The following RHBDF1 variants were observed in gnomAD, a reference collection of about 807,000 sequenced individuals.
The protein encoded by RHBDF1 is inactive rhomboid protein 1.
A neutral mutation model predicts 98.6 loss-of-function variants in RHBDF1; 80 were observed. The observed-to-expected ratio is 0.81, with a 90% CI of 0.68 to 0.98. The LOEUF (loss-of-function observed/expected upper bound fraction) is 0.98, where lower values mean the gene tolerates loss of function less well. RHBDF1 is among the 50% of genes least tolerant of loss of function. RHBDF1 has a pLI of 0.00. For synonymous variants in RHBDF1, 512 were observed against 486.8 expected, an observed-to-expected ratio of 1.05 and a Z score of -0.68; for missense variants, 1,116 against 1,198.3, an observed-to-expected ratio of 0.93 and a Z score of 1.01.
In RHBDF1 at chr16:62,760, C is replaced by A; in HGVS notation, c.795+15G>T. On this transcript the variant is annotated intron_variant, in intron 6 of 17. Transcript: ENST00000262316. The stretch of plus-strand genomic sequence containing the variant: ...AGGGAACGTGGGGTGGGGGGACACC[C>A]CGGGCACTTCTTACCCGGGCAAAGA... The A allele has an allele frequency of 6.2e-7, 1 of 1,614,046 alleles. No individual in the cohort carries two copies. Among genetic ancestry groups the A allele is most frequent in the Non-Finnish European group, 8.5e-7 (1 of 1,180,002 alleles).
chr16:69,566 C>T (rs1020035721), intron 1 of RHBDF1, among the ~76,000 whole-genome samples: 2 of 152,070 alleles, frequency 1.3e-5, no homozygotes, highest in African/African-American at 2.4e-5. Flanking sequence ...TAATCTGAAG[C>T]TCAATCCTAG....
rs60334577 is a variant in RHBDF1, at chr16:64,091, C to T, written c.249-291G>A. On this transcript the variant is annotated intron_variant, in intron 3 of 17. Transcript: ENST00000262316. Reference sequence around the variant, plus strand: ...GGCAGTTGAGGGGAGGCACTGAGTCCAGAGAAGGAGCTGAGAGCTCAACCC... The same window carrying T: ...GGCAGTTGAGGGGAGGCACTGAGTCTAGAGAAGGAGCTGAGAGCTCAACCC... 0.037 allele frequency: 23,048 copies of T among 631,376 alleles called. 1,465 individuals carry two copies. The highest frequency in any genetic ancestry group is 0.15 in the East Asian group (4,645 of 30,196). 39.1% of individuals were successfully genotyped at this position (631,376 alleles called of 1,614,324 possible). A position where few individuals can be genotyped will look rare whatever the true frequency, so the allele number is the denominator to read the frequency against.
intron 14 of RHBDF1, 58 bp from the exon 15 acceptor site, chr16:59,552 T>C: frequency 6.4e-7 from 1 of 1,567,398 alleles, no homozygotes; most frequent in Non-Finnish European, 8.7e-7. Flanking sequence ...ATTGCTGGCA[T>C]CCAGGGCGAG....
intron 11 of RHBDF1, chr16:60,793 A>T: frequency 1.8e-6 from 1 of 568,054 alleles, no homozygotes; most frequent in Non-Finnish European, 3.1e-6. Context: ...GCACTTCCAC[A>T]TAAGATGATG....
At chr16:73,918 C>G, upstream of RHBDF1, 1 of 984,624 alleles carries the variant, frequency 1.0e-6, no homozygotes. Flanking sequence ...GTACACTTAC[C>G]GGTAGATCCC....
intron 1 of RHBDF1, among the ~76,000 whole-genome samples, chr16:71,849 G>T (rs1317984309): frequency 6.6e-6 from 1 of 152,248 alleles, no homozygotes; most frequent in Non-Finnish European, 1.5e-5. Context: ...ACCCCAGCCG[G>T]GAGAAGGCCT....
chr16:62,719 G>A, intron 6 of RHBDF1, 24 bp from the exon 7 acceptor site: 12 of 1,614,154 alleles, frequency 7.4e-6, no homozygotes, highest in Non-Finnish European at 1.0e-5. Flanking sequence ...TGAGGTCAGG[G>A]TGGACACAGG....
chr16:60,240 C>A lies in RHBDF1; in HGVS notation c.1698G>T (p.Trp566Cys). 1 of 1,614,092 alleles carries A rather than the reference C, an allele frequency of 6.2e-7. No individual in the cohort carries two copies. Among genetic ancestry groups the A allele is most frequent in the Non-Finnish European group, 8.5e-7 (1 of 1,180,012 alleles). Reference protein sequence around the residue: ...DEPSSEDPHEWPEDITKWPIC... With the variant: ...DEPSSEDPHECPEDITKWPIC... ...CCGGCCACTTGGTGATGTCTTCTGG[C>A]CACTCATGAGGGTCTTCGGAGGAGG... Residue 566 changes from tryptophan (W) to cysteine (C), a missense_variant, in exon 13 of 18, where the codon TGG (tryptophan) becomes TGT (cysteine). Transcript: ENST00000262316.
rs1177511670 is a variant in RHBDF1, at chr16:62,651, A to G, written c.840T>C (p.Val280=). The G allele has an allele frequency of 6.2e-7, 1 of 1,613,874 alleles. No individual in the cohort carries two copies. Reference sequence around the variant, plus strand: ...GCGCTGCCTCCGATGGGGACTCGAAAACTTCATCCGGGTATGTGGACAGCT... The same window carrying G: ...GCGCTGCCTCCGATGGGGACTCGAAGACTTCATCCGGGTATGTGGACAGCT... The part of the protein sequence containing the change: ...HEELSTYPDE[V]FESPSEAALK... Residue 280 remains valine (V), a synonymous_variant, in exon 7 of 18, where the codon GTT becomes GTC. Transcript: ENST00000262316.
Position 63,079 on chromosome 16 carries a change from AG to A in RHBDF1, c.565del (p.Leu189SerfsTer26). The A allele has an allele frequency of 6.2e-7, 1 of 1,612,368 alleles. No individual in the cohort carries two copies. Among genetic ancestry groups the A allele is most frequent in the Non-Finnish European group, 8.5e-7 (1 of 1,179,604 alleles). ...HTPVTPGAAS[L>X]CSFSSSRSGF... ...TGAGCGGGAGCTGGAGAAGGAGCAG[AG>A]GGAGGCAGCACCCGGCGTGACGGGA... On this transcript the variant is annotated frameshift_variant, in exon 5 of 18. Coordinates refer to ENST00000262316, the MANE Select transcript of RHBDF1 (RefSeq NM_022450.5). LOFTEE classifies it high-confidence loss of function.
chr16:62,508 C>T, intron 7 of RHBDF1, 30 bp downstream of exon 7: 1 of 1,606,694 alleles, frequency 6.2e-7, no homozygotes, highest in African/African-American at 1.3e-5. Context: ...GGGTCTCTCT[C>T]TGCCCCTCTT....
intron 3 of RHBDF1, chr16:64,208 A>G: frequency 1.5e-6 from 2 of 1,308,530 alleles, no homozygotes; most frequent in Non-Finnish European, 2.0e-6. Context: ...CATGCAAACA[A>G]AAACACTGCC....
intron 7 of RHBDF1, 66 bp from the exon 8 acceptor site, chr16:62,118 G>T (rs560987617): frequency 2.1e-6 from 3 of 1,427,426 alleles, no homozygotes; most frequent in Non-Finnish European, 2.7e-6. Flanking sequence ...TCCCCGGGGG[G>T]CACCAGGGCA....
chr16:65,306 G>C (rs1267818086), intron 1 of RHBDF1, among the ~76,000 whole-genome samples: 1 of 152,266 alleles, frequency 6.6e-6, no homozygotes, highest in Non-Finnish European at 1.5e-5. Context: ...TCAGGATACT[G>C]CTCTAGGTGC....
chr16:61,616 A>G lies in RHBDF1; in HGVS notation c.1289T>C (p.Val430Ala). 6.2e-7 allele frequency: 1 copy of G among 1,613,404 alleles called. No individual in the cohort carries two copies. The highest frequency in any genetic ancestry group is 8.5e-7 in the Non-Finnish European group (1 of 1,179,902). ...LAVCIYGIAP[V>A]GFSQHETVDS... The stretch of plus-strand genomic sequence containing the variant: ...CACCGTCTCATGCTGCGAGAAGCCC[A>G]CGGGCGCGATGCCATAGATGCACAC... Residue 430 changes from valine (V) to alanine (A), a missense_variant, in exon 9 of 18, where the codon GTG becomes GCG. Physicochemically the swap from Val to Ala is moderately conservative, Grantham distance 64. Coordinates refer to ENST00000262316, the MANE Select transcript of RHBDF1 (RefSeq NM_022450.5).
chr16:58,745 G>A lies in RHBDF1; in HGVS notation c.2163C>T (p.Gly721=), dbSNP rs767607783. 3 of 1,612,484 alleles carry A rather than the reference G, an allele frequency of 1.9e-6. No homozygotes were observed. Among genetic ancestry groups the A allele is most frequent in the Non-Finnish European group, 2.5e-6 (3 of 1,179,688 alleles). Residue 721 remains glycine, a synonymous_variant, in exon 18 of 18, where the codon GGC becomes GGT. Transcript: ENST00000262316. The stretch of plus-strand genomic sequence containing the variant: ...GGCAGGCCAGGATGCCGAACTGGGA[G>A]CCAGCAGGACCCACCTGGGGGATGG... ...LPYRAEVGPA[G]SQFGILACLF...
intron 7 of RHBDF1, 34 bp downstream of exon 7, chr16:62,500 GTCTC>G (rs757163061): frequency 1.9e-6 from 3 of 1,603,300 alleles, no homozygotes; most frequent in Non-Finnish European, 2.5e-6. Flanking sequence ...GGGCCCCGGG[GTCTC>G]TCTCTGCCCC....
At chr16:71,508 C>T (rs183333489) in intron 1 of RHBDF1, among the ~76,000 whole-genome samples, 1 of 152,310 alleles carries the variant, frequency 6.6e-6, no homozygotes, top group Non-Finnish European at 1.5e-5. Context: ...ACTGCCCAGG[C>T]ATCTAGCTGG....
intron 11 of RHBDF1, 111 bp downstream of exon 11, chr16:61,009 G>T (rs1032272520): frequency 1.6e-6 from 2 of 1,232,346 alleles, no homozygotes; most frequent in South Asian, 1.5e-5. Context: ...GCGTAAGGAC[G>T]GCGGGATGTG....
Sources: allele counts gnomAD v4.1 joint callset (sites outside exome capture counted in the v4.1 genomes callset), GRCh38; gene constraint gnomAD v4.1.1; transcripts MANE v1.5; gene names NCBI Gene and HGNC (gene_info 2026-07-23, HGNC 2026-07-21).